The following OXR1 variants were observed in gnomAD, a reference collection of about 807,000 sequenced individuals.
The protein encoded by OXR1 is oxidation resistance protein 1.
Under a neutral mutation model 104.6 loss-of-function variants are expected in OXR1, and 41 were observed. That is an observed-to-expected ratio of 0.39 (90% confidence interval 0.31 to 0.51). The LOEUF (loss-of-function observed/expected upper bound fraction) is 0.51. Among genes scored for constraint, OXR1 ranks in the 20% least tolerant of loss-of-function variants. The pLI is 0.77. For missense variants in OXR1, 955 were observed against 1,031.9 expected, an observed-to-expected ratio of 0.93 and a Z score of 1.02; for synonymous variants, 348 against 348.4, an observed-to-expected ratio of 1.00 and a Z score of 0.01.
At chr8:106,677,025 TA>T (rs1174890585) in intron 3 of OXR1, among the ~76,000 whole-genome samples, 1 of 152,112 alleles carries the variant, frequency 6.6e-6, no homozygotes, top group Non-Finnish European at 1.5e-5. Context: ...CAAACATGTT[TA>T]ATGAATTATT....
chr8:106,462,701 G>A (rs1031231858), intron 2 of OXR1, among the ~76,000 whole-genome samples: 1 of 152,196 alleles, frequency 6.6e-6, no homozygotes, highest in East Asian at 1.9e-4. Flanking sequence ...TTGCCAGAAA[G>A]CACTGCATCA....
At chr8:106,419,538 G>T (rs1270927392) in intron 2 of OXR1, among the ~76,000 whole-genome samples, 1 of 152,148 alleles carries the variant, frequency 6.6e-6, no homozygotes, top group African/African-American at 2.4e-5. Flanking sequence ...CAAAGAGCCT[G>T]TGAGACTTGT....
intron 3 of OXR1, among the ~76,000 whole-genome samples, chr8:106,529,076 C>T (rs1020190020): frequency 6.6e-6 from 1 of 152,256 alleles, no homozygotes; most frequent in African/African-American, 2.4e-5. Flanking sequence ...CTAAAAGTCC[C>T]TAAGTGGACC....
chr8:106,680,238 A>G (rs1053243338), intron 4 of OXR1, among the ~76,000 whole-genome samples: 3 of 152,136 alleles, frequency 2.0e-5, no homozygotes, highest in Non-Finnish European at 4.4e-5. Context: ...ATCTCACAGC[A>G]TATTTTAAAC....
chr8:106,698,059 G>T, intron 7 of OXR1: 1 of 1,360,090 alleles, frequency 7.4e-7, no homozygotes, highest in South Asian at 1.2e-5. Flanking sequence ...ACGGGCTGGA[G>T]AGCGGCACAC....
At chr8:106,499,233 G>A (rs1304216212) in intron 2 of OXR1, among the ~76,000 whole-genome samples, 1 of 151,022 alleles carries the variant, frequency 6.6e-6, no homozygotes, top group Non-Finnish European at 1.5e-5. Context: ...TGTTTTCCTT[G>A]ACAACTATAA....
intron 6 of OXR1, 110 bp downstream of exon 6, chr8:106,684,469 C>T (rs900437137): frequency 3.2e-6 from 2 of 634,214 alleles, no homozygotes; most frequent in African/African-American, 1.8e-5. Context: ...GAAATATTTC[C>T]TTTTTATTTT....
intron 3 of OXR1, among the ~76,000 whole-genome samples, chr8:106,649,766 G>T (rs561727250): frequency 2.6e-5 from 4 of 151,906 alleles, no homozygotes; most frequent in East Asian, 3.9e-4. Flanking sequence ...GCGCGGTCTC[G>T]GCTCACTGCA....
At chr8:106,726,237 A>G (rs1587254563) in intron 11 of OXR1, 2 of 1,523,712 alleles carry the variant, frequency 1.3e-6, no homozygotes, top group African/African-American at 2.8e-5. Flanking sequence ...TTTGCCCTGG[A>G]AAGGAAATGT....
intron 2 of OXR1, among the ~76,000 whole-genome samples, chr8:106,381,468 A>G (rs6991473): frequency 0.022 from 3,373 of 152,218 alleles, 122 homozygotes; most frequent in African/African-American, 0.077. Context: ...TGAACATAAA[A>G]GAGAAGGGTA....
chr8:106,387,744 G>A (rs558564947), intron 2 of OXR1, among the ~76,000 whole-genome samples: 1 of 152,154 alleles, frequency 6.6e-6, no homozygotes, highest in Non-Finnish European at 1.5e-5. Flanking sequence ...GTATAGACCA[G>A]TCATACAAGT....
At chr8:106,386,030 G>T (rs1268701831) in intron 2 of OXR1, among the ~76,000 whole-genome samples, 1 of 152,142 alleles carries the variant, frequency 6.6e-6, no homozygotes, top group Non-Finnish European at 1.5e-5. Flanking sequence ...GTACTTTTGT[G>T]CATGCTGGTC....
intron 2 of OXR1, among the ~76,000 whole-genome samples, chr8:106,362,296 G>A (rs1350580595): frequency 6.6e-6 from 1 of 152,120 alleles, no homozygotes; most frequent in Non-Finnish European, 1.5e-5. Context: ...ATTTTAAAAT[G>A]TAACTCTGAG....
chr8:106,275,326 C>T (rs1811993905), intron 1 of OXR1, among the ~76,000 whole-genome samples: 1 of 152,148 alleles, frequency 6.6e-6, no homozygotes, highest in Non-Finnish European at 1.5e-5. Flanking sequence ...AGGTGGTTTC[C>T]TTCCCTGCAG....
At chr8:106,523,565 A>G (rs921892526) in intron 3 of OXR1, among the ~76,000 whole-genome samples, 10 of 152,166 alleles carry the variant, frequency 6.6e-5, no homozygotes, top group Non-Finnish European at 1.2e-4. Context: ...ATTTTTTTAA[A>G]ATACAGTCTC....
chr8:106,373,730 C>A (rs2130383341), intron 2 of OXR1, among the ~76,000 whole-genome samples: 1 of 152,208 alleles, frequency 6.6e-6, no homozygotes, highest in East Asian at 1.9e-4. Context: ...GCTGGGACTA[C>A]AAGTGTGTGC....
intron 2 of OXR1, among the ~76,000 whole-genome samples, chr8:106,406,678 T>G (rs1818249305): frequency 6.6e-6 from 1 of 152,164 alleles, no homozygotes; most frequent in African/African-American, 2.4e-5. Context: ...GATCAGCAGT[T>G]GCCAGGGATT....
At chr8:106,317,801 A>C (rs995967828) in intron 1 of OXR1, among the ~76,000 whole-genome samples, 3 of 151,970 alleles carry the variant, frequency 2.0e-5, no homozygotes, top group Non-Finnish European at 2.9e-5. Flanking sequence ...TTCCAAAAAA[A>C]AAAAACAAAA....
chr8:106,564,306 C>T (rs7846394), intron 3 of OXR1, among the ~76,000 whole-genome samples: 4,757 of 152,120 alleles, frequency 0.031, 108 homozygotes, highest in Middle Eastern at 0.062. Flanking sequence ...GGGGAGATCA[C>T]CACTGATCCC....
Sources: allele counts gnomAD v4.1 joint callset (sites outside exome capture counted in the v4.1 genomes callset), GRCh38; gene constraint gnomAD v4.1.1; transcripts MANE v1.5; gene names NCBI Gene and HGNC (gene_info 2026-07-23, HGNC 2026-07-21).